HELZ: variants seen among roughly 807,000 people sequenced by gnomAD.
HELZ encodes helicase with zinc finger.
HELZ carries 23 observed loss-of-function variants against 218.2 expected under a neutral mutation model. The observed-to-expected ratio is 0.11, with a 90% CI of 0.08 to 0.15. The LOEUF is 0.15. HELZ is among the 10% of genes least tolerant of loss of function. HELZ has a pLI of 1.00. For missense variants in HELZ, 1,813 were observed against 2,353.7 expected (o/e 0.77, Z 4.75); for synonymous variants, 814 against 829.4 (o/e 0.98, Z 0.32).
chr17:67,109,904 T>G (rs564998510), intron 28 of HELZ, among the ~76,000 whole-genome samples: 8 of 152,194 alleles, frequency 5.3e-5, no homozygotes, highest in African/African-American at 1.4e-4. Flanking sequence ...TAAATGTGAG[T>G]CATAAGAAAA....
At chr17:67,184,008 T>TA (rs34266393) in intron 12 of HELZ, among the ~76,000 whole-genome samples, 13,002 of 146,566 alleles carry the variant, frequency 0.089, 1,444 homozygotes, top group African/African-American at 0.26. Context: ...CAGTAATATT[T>TA]AAAAAAAAAA....
At chr17:67,241,135 T>C (rs1435205684) in intron 2 of HELZ, among the ~76,000 whole-genome samples, 1 of 152,244 alleles carries the variant, frequency 6.6e-6, no homozygotes, top group Admixed American at 6.5e-5. Flanking sequence ...TCTCCACTTG[T>C]ATCACTTTTC....
intron 3 of HELZ, among the ~76,000 whole-genome samples, chr17:67,237,068 A>G (rs895674694): frequency 6.6e-6 from 1 of 152,340 alleles, no homozygotes; most frequent in South Asian, 2.1e-4. Flanking sequence ...GGCCGGGCGT[A>G]GTGGTTCACG....
chr17:67,187,008 T>C (rs2039774380), intron 12 of HELZ, among the ~76,000 whole-genome samples: 1 of 152,162 alleles, frequency 6.6e-6, no homozygotes, highest in Non-Finnish European at 1.5e-5. Context: ...TGCTTATGCA[T>C]TGTCTATGGC....
chr17:67,082,452 CAGCTGTCCAAT>C (rs2143545828), intron 32 of HELZ, among the ~76,000 whole-genome samples: 1 of 152,318 alleles, frequency 6.6e-6, no homozygotes, highest in South Asian at 2.1e-4. Context: ...ATCAGCAATA[CAGCTGTCCAAT>C]ATAACATAAA....
chr17:67,147,216 C>A (rs2038525366), intron 20 of HELZ, among the ~76,000 whole-genome samples: 2 of 152,076 alleles, frequency 1.3e-5, no homozygotes, highest in Admixed American at 6.5e-5. Context: ...CTAACAGAAT[C>A]TAAAGTTTTG....
At chr17:67,241,402 C>G (rs1222592198) in intron 2 of HELZ, among the ~76,000 whole-genome samples, 1 of 152,186 alleles carries the variant, frequency 6.6e-6, no homozygotes, top group Non-Finnish European at 1.5e-5. Context: ...ATAGACTAAT[C>G]TACATTCAAT....
At chr17:67,103,021 A>C (rs911908845) in intron 31 of HELZ, among the ~76,000 whole-genome samples, 3 of 152,212 alleles carry the variant, frequency 2.0e-5, no homozygotes, top group African/African-American at 7.2e-5. Flanking sequence ...TTATTTAGTA[A>C]AGTACAAAAC....
chr17:67,120,208 G>A (rs1046439670), intron 27 of HELZ, among the ~76,000 whole-genome samples, 197 bp downstream of exon 27: 17 of 151,600 alleles, frequency 1.1e-4, no homozygotes, highest in Admixed American at 2.0e-4. Flanking sequence ...ATTTCACCGT[G>A]TTAGCCAGGA....
At chr17:67,123,571 C>T (rs917345303) in intron 25 of HELZ, among the ~76,000 whole-genome samples, 6 of 152,028 alleles carry the variant, frequency 3.9e-5, no homozygotes, top group East Asian at 1.9e-4. Flanking sequence ...TTTAAAAGCA[C>T]GACTATGCAA....
chr17:67,122,322 G>T (rs1410619217), intron 26 of HELZ, among the ~76,000 whole-genome samples: 1 of 152,160 alleles, frequency 6.6e-6, no homozygotes, highest in Non-Finnish European at 1.5e-5. Flanking sequence ...AAGACAGGCG[G>T]ATCACAAGGT....
chr17:67,107,541 G>A lies in HELZ; in HGVS notation c.4869C>T (p.Ser1623=). Residue 1623 remains serine, a synonymous_variant, in exon 31 of 33, where the codon TCC becomes TCT. Transcript: ENST00000358691. ...AAAAGTGGCTACTGTGGTCTGTACT[G>A]GATGGGGGAGATGGGACTGCTGGTG... is the stretch of plus-strand genomic sequence containing the variant. The part of the protein sequence containing the change: ...RSPPAVPSPP[S]STDHSSHFSN... 1.2e-6 allele frequency: 2 copies of A among 1,614,194 alleles called. No individual in the cohort carries two copies. The highest frequency in any genetic ancestry group is 1.7e-6 in the Non-Finnish European group (2 of 1,180,034).
intron 5 of HELZ, among the ~76,000 whole-genome samples, chr17:67,206,061 A>G (rs188013293): frequency 6.6e-6 from 1 of 152,282 alleles, no homozygotes; most frequent in Admixed American, 6.5e-5. Flanking sequence ...AGCTTGGGGG[A>G]AAAAAAGTAT....
chr17:67,245,007 GCCGCCCAGGCCCCCAGCCTGC>G (rs2041440928), intron 1 of HELZ, 120 bp downstream of exon 1: 1 of 985,378 alleles, frequency 1.0e-6, no homozygotes, highest in Admixed American at 6.2e-5. Context: ...CCAGCCGCGG[GCCGCCCAGGCCCCCAGCCTGC>G]CCCGGGGCCG....
At chr17:67,079,855 T>C (rs2036133949) in intron 32 of HELZ, among the ~76,000 whole-genome samples, 1 of 152,244 alleles carries the variant, frequency 6.6e-6, no homozygotes, top group South Asian at 2.1e-4. Flanking sequence ...TGTCCATTAT[T>C]CTATTGGACA....
At chr17:67,130,658 G>A (rs150344509) in intron 23 of HELZ, among the ~76,000 whole-genome samples, 6 of 152,006 alleles carry the variant, frequency 3.9e-5, no homozygotes, top group African/African-American at 1.4e-4. Context: ...TAGCACTCAG[G>A]ATCTAAAATC....
At chr17:67,215,812 A>G in intron 5 of HELZ, 87 bp downstream of exon 5, 2 of 885,594 alleles carry the variant, frequency 2.3e-6, no homozygotes, top group East Asian at 5.2e-5. Flanking sequence ...TTCAAACATT[A>G]TCATCATTTT....
intron 32 of HELZ, among the ~76,000 whole-genome samples, chr17:67,079,876 T>C (rs2036134962): frequency 6.6e-6 from 1 of 152,248 alleles, no homozygotes; most frequent in South Asian, 2.1e-4. Context: ...TACTATTCTA[T>C]TGTTTTTTCC....
chr17:67,117,738 C>G (rs2037472358), intron 27 of HELZ, among the ~76,000 whole-genome samples: 1 of 151,904 alleles, frequency 6.6e-6, no homozygotes, highest in African/African-American at 2.4e-5. Flanking sequence ...TTAGTAGAGA[C>G]AGGGTTTTTC....
Sources: allele counts gnomAD v4.1 joint callset (sites outside exome capture counted in the v4.1 genomes callset), GRCh38; gene constraint gnomAD v4.1.1; transcripts MANE v1.5; gene names NCBI Gene and HGNC (gene_info 2026-07-23, HGNC 2026-07-21).